Variants in NBPF9 observed in about 807,000 individuals in gnomAD.
NBPF9 encodes NBPF family member NBPF9.
In NBPF9, 91 loss-of-function variants were observed where a neutral mutation model predicts 97.8. The ratio of observed to expected loss-of-function variants is 0.93; its 90% CI spans 0.79 to 1.11. The LOEUF (loss-of-function observed/expected upper bound fraction) is 1.11. Among genes scored for constraint, NBPF9 ranks in the 50% least tolerant of loss-of-function variants. NBPF9 has a pLI of 0.00. For missense variants in NBPF9, 992 were observed against 939.5 expected, an observed-to-expected ratio of 1.06 and a Z score of -0.73; for synonymous variants, 334 against 359.5, an observed-to-expected ratio of 0.93 and a Z score of 0.80.
At chr1:149,060,946 G>A (rs2078556933) in intron 23 of NBPF9, 7 of 412,926 alleles carry the variant, frequency 1.7e-5, no homozygotes, top group East Asian at 7.1e-5. Flanking sequence ...CACAGAGAAC[G>A]AGCTCAGTGA....
In NBPF9 at chr1:149,068,091, C is replaced by A. The variant is rs1453824508; in HGVS notation, c.1637+1503G>T. 1.2e-4 allele frequency among the ~76,000 whole-genome samples: 17 copies of A among 147,490 alleles called. 2 individuals carry two copies. Among genetic ancestry groups the A allele is most frequent in the Admixed American group, 1.1e-3 (17 of 15,018 alleles). On this transcript the variant is annotated intron_variant, in intron 17 of 29. Transcript: ENST00000584027. ...AAGCAAATGCTGACAGATTTTGTCA[C>A]CACCAGGCCTGCCTTACAAGAGCTC...
intron 19 of NBPF9, 85 bp downstream of exon 19, chr1:149,064,343 CATT>C: frequency 2.5e-6 from 2 of 786,964 alleles, no homozygotes; most frequent in South Asian, 2.9e-5. Flanking sequence ...AAGACAAAAT[CATT>C]ATTTTCAGCA....
chr1:149,079,355 T>A (rs376048479), intron 8 of NBPF9, 134 bp from the exon 9 acceptor site: 137 of 917,578 alleles, frequency 1.5e-4, no homozygotes, highest in Admixed American at 1.1e-3. Flanking sequence ...TTGAAAGGAA[T>A]GTCTGTGGCC....
intron 17 of NBPF9, among the ~76,000 whole-genome samples, chr1:149,067,207 A>C (rs2079083260): frequency 7.4e-6 from 1 of 134,856 alleles, no homozygotes; most frequent in Admixed American, 7.3e-5. Flanking sequence ...ATCTCTTGGC[A>C]CAAACCCTAC....
chr1:149,058,916 G>C lies in NBPF9; in HGVS notation c.2758+9C>G. ...TGGAGGCTTATCACCTTCATAGTAA[G>C]GTACTCACTGTCCACGTCAAGAGCC... On this transcript the variant is annotated intron_variant, in intron 26 of 29. Coordinates refer to ENST00000584027, the Ensembl canonical transcript of NBPF9. The C allele has an allele frequency of 1.9e-6, 1 of 528,590 alleles. No homozygotes were observed. Among genetic ancestry groups the C allele is most frequent in the East Asian group, 2.8e-5 (1 of 35,954 alleles). 32.7% of individuals were successfully genotyped at this position (528,590 alleles called of 1,614,324 possible).
intron 8 of NBPF9, 126 bp from the exon 9 acceptor site, chr1:149,079,347 G>C (rs1257716166): frequency 4.2e-5 from 41 of 976,084 alleles, no homozygotes; most frequent in Non-Finnish European, 6.4e-5. Flanking sequence ...AGCACATGTT[G>C]AAAGGAATGT....
intron 11 of NBPF9, among the ~76,000 whole-genome samples, chr1:149,076,238 C>T (rs879978189): frequency 8.6e-5 from 13 of 151,360 alleles, no homozygotes; most frequent in South Asian, 4.2e-4. Context: ...CACTCTGTCA[C>T]GCAGGCTGAA....
At chr1:149,072,405 C>A (rs1221262841) in intron 14 of NBPF9, among the ~76,000 whole-genome samples, 1 of 151,746 alleles carries the variant, frequency 6.6e-6, no homozygotes, top group Non-Finnish European at 1.5e-5. Flanking sequence ...CATTCTTAGT[C>A]CAGAGCTCTT....
chr1:149,055,848 T>A, exon 30 of NBPF9: 1 of 1,606,452 alleles, frequency 6.2e-7, no homozygotes, highest in Non-Finnish European at 8.5e-7. Context: ...ATCCATCCAG[T>A]GAGTCCTGCA....
At chr1:149,052,201 T>A (rs1553647569), downstream of NBPF9, among the ~76,000 whole-genome samples, 2 of 151,422 alleles carry the variant, frequency 1.3e-5, no homozygotes, top group South Asian at 4.2e-4. Context: ...TAAAGTGTTC[T>A]TTATTATCAA....
intron 15 of NBPF9, 140 bp from the exon 16 acceptor site, chr1:149,071,279 C>T (rs2152891680): frequency 7.1e-7 from 1 of 1,400,960 alleles, no homozygotes; most frequent in South Asian, 1.2e-5. Context: ...TAAGAGGGAA[C>T]AGGTAATCCT....
chr1:149,055,821 T>G lies in NBPF9; in HGVS notation c.3171A>C (p.Ser1057=), dbSNP rs1377313318. 9 of 1,606,696 alleles carry G rather than the reference T, an allele frequency of 5.6e-6. No individual in the cohort carries two copies. The Admixed American group carries it at 6.7e-5, about 12-fold the overall frequency. ...ATGAGTCAGGTAGTTCAAAGTACAT[T>G]GACGGAGTAGAATAACATCCATCCA... The change falls in exon 30 of 30, where the codon TCA becomes TCC. Residue 1057 remains serine, a synonymous_variant. Transcript: ENST00000584027.
chr1:149,074,530 A>C (rs1553653836), intron 12 of NBPF9, among the ~76,000 whole-genome samples: 1 of 151,490 alleles, frequency 6.6e-6, no homozygotes, highest in Non-Finnish European at 1.5e-5. Flanking sequence ...ACTGACAAGA[A>C]ACAGCTCATG....
chr1:149,079,642 A>T, intron 8 of NBPF9, among the ~76,000 whole-genome samples: 1 of 150,618 alleles, frequency 6.6e-6, no homozygotes, highest in Non-Finnish European at 1.5e-5. Context: ...CGAAAGAAGA[A>T]AAGAATGACA....
chr1:149,061,516 C>T lies in NBPF9; in HGVS notation c.2252-133G>A, dbSNP rs1200438361. On this transcript the variant is annotated intron_variant, in intron 22 of 29. Transcript: ENST00000584027. ...ACAGGACAATGTGACAGATATACTT[C>T]AGGAAGCCTGAAAGCTGGTCATGAT... 104 of 478,230 alleles carry T rather than the reference C, an allele frequency of 2.2e-4. 34 individuals carry two copies. In the African/African-American group the frequency reaches 2.4e-3, roughly 11 times the overall value. 29.6% of individuals were successfully genotyped at this position (478,230 alleles called of 1,614,324 possible).
At chr1:149,062,469 G>C (rs1390361092) in intron 21 of NBPF9, among the ~76,000 whole-genome samples, 7 of 144,608 alleles carry the variant, frequency 4.8e-5, no homozygotes, top group Admixed American at 2.9e-4. Flanking sequence ...GAGAGGGAGA[G>C]AGAGAGAGAG....
chr1:149,076,204 G>GT (rs1392328067), intron 11 of NBPF9, among the ~76,000 whole-genome samples: 2 of 151,156 alleles, frequency 1.3e-5, no homozygotes, highest in African/African-American at 4.8e-5. Context: ...TTCTTTTTTG[G>GT]TTTTTTTGTT....
At chr1:149,055,204 G>C in exon 30 of NBPF9, 1 of 248,712 alleles carries the variant, frequency 4.0e-6, no homozygotes, top group Non-Finnish European at 7.7e-6. Flanking sequence ...TCCCTCCTGT[G>C]TTACAGATGG....
At position 149,081,707 on chromosome 1, in the gene NBPF9, G is replaced by C. The variant is rs1178693332; in HGVS notation, c.175+258C>G. ...TTGAGCCTCTTGGAGAAAACAGGTC[G>C]TTCTGTGCCTGTGTTAGAAATCAAT... On this transcript the variant is annotated intron_variant, in intron 7 of 29. Transcript: ENST00000584027. Among the ~76,000 whole-genome samples, 93 of 138,634 alleles carry C rather than the reference G, an allele frequency of 6.7e-4. 1 individual carries two copies. In the South Asian group the frequency reaches 0.017, roughly 25 times the overall value. 90.9% of individuals were successfully genotyped at this position (138,634 alleles called of 152,430 possible). A position where few individuals can be genotyped will look rare whatever the true frequency, so the allele number is the denominator to read the frequency against.
Sources: gnomAD v4.1 joint callset for allele counts (sites outside exome capture counted in the v4.1 genomes callset) on GRCh38, gnomAD v4.1.1 for gene constraint, MANE v1.5 for transcripts, NCBI Gene and HGNC (gene_info 2026-07-23, HGNC 2026-07-21) for gene names.